The following CREM variants were observed in gnomAD, a reference collection of about 807,000 sequenced individuals.
CREM encodes cAMP responsive element modulator, also known as cAMP-responsive element modulator.
CREM carries 13 observed loss-of-function variants against 37.3 expected under a neutral mutation model. The ratio of observed to expected loss-of-function variants is 0.35; its 90% CI spans 0.23 to 0.55. The LOEUF (loss-of-function observed/expected upper bound fraction) is 0.55. CREM is among the 20% of genes least tolerant of loss of function. The pLI, the probability that CREM is intolerant of heterozygous loss-of-function variation, is 0.88. For synonymous variants in CREM, 124 were observed against 120.2 expected (o/e 1.03, Z -0.21); for missense variants, 296 against 362.3 (o/e 0.82, Z 1.49).
chr10:35,148,451 A>T lies in CREM; in HGVS notation c.128A>T (p.Gln43Leu), dbSNP rs372126215. ...ACAGAGAGCAAGTCTGCTCATGTGC[A>T]GACTCAGACTGGCCAAAATTCAATC... ...SLTESKSAHV[Q>L]TQTGQNSIPA... Residue 43 changes from glutamine to leucine, a missense_variant, in exon 3 of 8, where the codon CAG (glutamine) becomes CTG (leucine). By Grantham distance (113) the Gln-to-Leu change is moderately radical (BLOSUM62 -2). This residue lies in a region of CREM where 257 missense variants were observed against 280.2 expected (regional missense o/e 0.92). Transcript: ENST00000685392. 1 of 1,613,628 alleles carries T rather than the reference A, an allele frequency of 6.2e-7. No homozygotes were observed.
chr10:35,158,379 C>G, intron 3 of CREM: 1 of 256,110 alleles, frequency 3.9e-6, no homozygotes, highest in South Asian at 4.1e-5. Flanking sequence ...GTTTCCAAGG[C>G]CCACAGGCAG....
intron 3 of CREM, among the ~76,000 whole-genome samples, chr10:35,155,677 G>T (rs2136192020): frequency 6.6e-6 from 1 of 150,590 alleles, no homozygotes; most frequent in South Asian, 2.1e-4. Context: ...CACCTAGGCT[G>T]GAGTGCAGTG....
chr10:35,204,174 C>T (rs764410835), intron 6 of CREM, among the ~76,000 whole-genome samples: 54 of 152,206 alleles, frequency 3.5e-4, no homozygotes, highest in Non-Finnish European at 6.5e-4. Flanking sequence ...ACTGGCTTAA[C>T]GTGACCTTGT....
intron 1 of CREM, among the ~76,000 whole-genome samples, chr10:35,130,834 C>T (rs2135376943): frequency 6.6e-6 from 1 of 152,192 alleles, no homozygotes; most frequent in South Asian, 2.1e-4. Context: ...ATGAAGTTGC[C>T]TAATATTTCT....
At chr10:35,175,660 T>C (rs759523738) in intron 3 of CREM, 1 of 1,613,592 alleles carries the variant, frequency 6.2e-7, no homozygotes, top group Non-Finnish European at 8.5e-7. Flanking sequence ...TTAATAAATG[T>C]CACATCAGAA....
intron 6 of CREM, among the ~76,000 whole-genome samples, chr10:35,194,965 A>G (rs1197290302): frequency 6.6e-6 from 1 of 152,158 alleles, no homozygotes; most frequent in Non-Finnish European, 1.5e-5. Context: ...CTATGTAAAA[A>G]TGAGAAACAA....
rs2094261806 is a variant in CREM, at chr10:35,179,558, T to C, written c.409+282T>C. ...TTTACATGTTTATATTAATCTCTAG[T>C]AAAACATTGTTTTTGTTGTCTTTAT... On this transcript the variant is annotated intron_variant, in intron 5 of 7. Transcript: ENST00000685392. The C allele has an allele frequency of 8.5e-6, 3 of 352,218 alleles. 1 individual carries two copies. Among genetic ancestry groups the C allele is most frequent in the Admixed American group, 4.4e-5 (1 of 22,584 alleles). The allele number at this position is 352,218 out of a possible 1,614,324, so 21.8% of individuals were successfully genotyped here. A position where few individuals can be genotyped will look rare whatever the true frequency, so the allele number is the denominator to read the frequency against.
At chr10:35,181,275 A>G (rs2094340349) in intron 5 of CREM, among the ~76,000 whole-genome samples, 1 of 152,212 alleles carries the variant, frequency 6.6e-6, no homozygotes, top group Non-Finnish European at 1.5e-5. Context: ...TTGAAGTGGG[A>G]ATAATACTAA....
At chr10:35,147,737 A>G (rs2092282218) in intron 2 of CREM, among the ~76,000 whole-genome samples, 1 of 152,202 alleles carries the variant, frequency 6.6e-6, no homozygotes, top group Non-Finnish European at 1.5e-5. Flanking sequence ...CCAGCCATTC[A>G]TGCTAAACAG....
At chr10:35,138,998 A>G (rs1488866718) in intron 2 of CREM, among the ~76,000 whole-genome samples, 1 of 152,118 alleles carries the variant, frequency 6.6e-6, no homozygotes, top group Non-Finnish European at 1.5e-5. Context: ...ACAGGTTGGG[A>G]TAATATTTGC....
intron 3 of CREM, among the ~76,000 whole-genome samples, chr10:35,156,639 G>A (rs979709259): frequency 6.6e-6 from 1 of 152,172 alleles, no homozygotes; most frequent in Admixed American, 6.5e-5. Flanking sequence ...GAAAACAGAG[G>A]CTTTGGGAAA....
chr10:35,126,926 T>G lies in CREM; in HGVS notation c.-322T>G, dbSNP rs1004298431. On this transcript the variant is annotated 5_prime_UTR_variant, in exon 1 of 8. Transcript: ENST00000685392. ...AGCCTGGATTTTTTTCCTCGGGGCC[T>G]CCCCCGGGAGGCCGTCCCGGCGTGG... 6.6e-6 allele frequency: 1 copy of G among 151,702 alleles called. No homozygotes were observed. Among genetic ancestry groups the G allele is most frequent in the Non-Finnish European group, 1.5e-5 (1 of 67,910 alleles). The allele number at this position is 151,702 out of a possible 1,614,324, so 9.4% of individuals were successfully genotyped here. A position where few individuals can be genotyped will look rare whatever the true frequency, so the allele number is the denominator to read the frequency against.
intron 3 of CREM, among the ~76,000 whole-genome samples, chr10:35,177,822 A>G (rs2094160614): frequency 1.3e-5 from 2 of 152,194 alleles, no homozygotes; most frequent in Non-Finnish European, 2.9e-5. Flanking sequence ...TTATGATTCT[A>G]TGACAGATGT....
intron 3 of CREM, among the ~76,000 whole-genome samples, chr10:35,155,802 T>G (rs575313996): frequency 2.2e-4 from 33 of 151,972 alleles, no homozygotes; most frequent in African/African-American, 8.0e-4. Context: ...TAATTGTTTT[T>G]GTAGTTTTAG....
chr10:35,211,642 CT>C lies in CREM; in HGVS notation c.*245del, dbSNP rs773229106. On this transcript the variant is annotated 3_prime_UTR_variant, in exon 8 of 8. Transcript: ENST00000685392. ...AAAATGCTTTGTTTGCCCTTTGCTT[CT>C]GCTTTTTTTCAGGGAAGCTGCCAAA... The C allele has an allele frequency of 6.2e-7, 1 of 1,606,582 alleles. No individual in the cohort carries two copies.
intron 6 of CREM, 31 bp from the exon 7 acceptor site, chr10:35,206,864 T>G: frequency 6.2e-7 from 1 of 1,610,058 alleles, no homozygotes; most frequent in Non-Finnish European, 8.5e-7. Flanking sequence ...GAATTCTTTA[T>G]ATAAGCTCAA....
intron 3 of CREM, among the ~76,000 whole-genome samples, chr10:35,163,045 C>CA (rs202089146): frequency 0.17 from 24,098 of 144,238 alleles, 2,128 homozygotes; most frequent in East Asian, 0.24. Context: ...TCCATCTCTA[C>CA]AAAAAAAAAA....
chr10:35,201,735 A>G (rs1465668730), intron 6 of CREM, among the ~76,000 whole-genome samples: 1 of 152,230 alleles, frequency 6.6e-6, no homozygotes, highest in African/African-American at 2.4e-5. Flanking sequence ...AGACTTATCT[A>G]AAGTGCATCT....
chr10:35,147,215 G>A lies in CREM; in HGVS notation c.45-1153G>A, dbSNP rs1589431382. 6.6e-5 allele frequency among the ~76,000 whole-genome samples: 10 copies of A among 151,558 alleles called. 1 individual carries two copies. In the South Asian group the frequency reaches 1.5e-3, roughly 22 times the overall value. ...ACAGGCGCCTACCACGGTGGCGCCC[G>A]GCTAATTTTTCGTATTTTTAGTAGA... On this transcript the variant is annotated intron_variant, in intron 2 of 7. Transcript: ENST00000685392.
Sources: allele counts gnomAD v4.1 joint callset (sites outside exome capture counted in the v4.1 genomes callset), GRCh38; gene constraint gnomAD v4.1.1; regional missense constraint gnomAD v4.1.1; transcripts MANE v1.5; gene names NCBI Gene and HGNC (gene_info 2026-07-23, HGNC 2026-07-21).